The following NETO1 variants were observed in gnomAD, a reference collection of about 807,000 sequenced individuals.
The protein encoded by NETO1 is neuropilin and tolloid like 1.
Under a neutral mutation model 61.3 loss-of-function variants are expected in NETO1, and 26 were observed. That is an observed-to-expected ratio of 0.42 (90% CI 0.31 to 0.59). The LOEUF is 0.59. NETO1 is among the 20% of genes least tolerant of loss of function. NETO1 has a pLI of 0.12. For synonymous variants in NETO1, 225 were observed against 225.8 expected (o/e 1.00, Z 0.03); for missense variants, 531 against 662.8 (o/e 0.80, Z 2.18).
chr18:72,789,243 CACACACAT>C (rs879765941), intron 6 of NETO1, among the ~76,000 whole-genome samples: 14 of 100,044 alleles, frequency 1.4e-4, no homozygotes, highest in African/African-American at 2.4e-4. Context: ...CACACACACA[CACACACAT>C]GTGCACAGCA....
Position 72,750,597 on chromosome 18 carries a change from C to T in NETO1, c.1006G>A (p.Asp336Asn). The T allele has an allele frequency of 6.2e-7, 1 of 1,607,262 alleles. No homozygotes were observed. Among genetic ancestry groups the T allele is most frequent in the Non-Finnish European group, 8.5e-7 (1 of 1,178,640 alleles). ...GTCCCACTGGTGTTGGTCAGCTGGT[C>T]CAGCAGGCTGGTTTTCCTCTTCTCT... ...CKEKRKTSLL[D>N]QLTNTSGTVI... Residue 336 changes from aspartate to asparagine, a missense_variant, in exon 9 of 11, where the codon GAC (aspartate) becomes AAC (asparagine). Physicochemically the swap from Asp to Asn is conservative, Grantham distance 23. Transcript: ENST00000327305.
chr18:72,742,888 T>C (rs2070364528), downstream of NETO1: 1 of 152,176 alleles, frequency 6.6e-6, no homozygotes, highest in Non-Finnish European at 1.5e-5. Flanking sequence ...CCTCAGTATG[T>C]TCGCTAGTCA....
rs760230093 is a variant in NETO1 at position 72,750,117 on chromosome 18, C to T, written c.1486G>A (p.Glu496Lys). 8 of 1,611,778 alleles carry T rather than the reference C, an allele frequency of 5.0e-6. No individual in the cohort carries two copies. Among genetic ancestry groups the T allele is most frequent in the African/African-American group, 2.7e-5 (2 of 74,850 alleles). Residue 496 changes from glutamate to lysine, a missense_variant, in exon 9 of 11, where the codon GAA (glutamate) becomes AAA (lysine). Glu to Lys is a moderately conservative substitution (Grantham distance 56). Transcript: ENST00000327305. ...CTGTGACTGGTGGTCGGCACCTCTTCGATTTCATCTATGTCACAGGCATCT... is the reference window on the plus strand; with the variant it reads ...CTGTGACTGGTGGTCGGCACCTCTTTGATTTCATCTATGTCACAGGCATCT... ...AADACDIDEI[E>K]EVPTTSHRLS...
At chr18:72,793,433 C>A (rs1212621597) in intron 6 of NETO1, among the ~76,000 whole-genome samples, 1 of 152,104 alleles carries the variant, frequency 6.6e-6, no homozygotes. Flanking sequence ...CAAAATCTAG[C>A]CCACAATAGT....
At chr18:72,816,815 A>T (rs1470436905) in intron 4 of NETO1, among the ~76,000 whole-genome samples, 2 of 152,188 alleles carry the variant, frequency 1.3e-5, no homozygotes, top group Non-Finnish European at 2.9e-5. Flanking sequence ...TCAAGTCTGC[A>T]TTCAGAAAAC....
At chr18:72,805,623 T>C (rs1467114693) in intron 4 of NETO1, among the ~76,000 whole-genome samples, 5 of 152,070 alleles carry the variant, frequency 3.3e-5, no homozygotes, top group Admixed American at 1.3e-4. Context: ...AAGAATACAG[T>C]TGTAAATGGT....
At chr18:72,807,438 T>C (rs1294156912) in intron 4 of NETO1, among the ~76,000 whole-genome samples, 3 of 152,182 alleles carry the variant, frequency 2.0e-5, no homozygotes, top group Admixed American at 6.6e-5. Context: ...TAGCTGTAAT[T>C]TGAAGTTTCC....
intron 4 of NETO1, among the ~76,000 whole-genome samples, chr18:72,817,055 G>A (rs1398720269): frequency 1.3e-5 from 2 of 152,110 alleles, no homozygotes; most frequent in African/African-American, 2.4e-5. Flanking sequence ...GCAATTCCTC[G>A]TCTCCCTTTA....
intron 4 of NETO1, among the ~76,000 whole-genome samples, chr18:72,820,830 CT>C (rs1046247727): frequency 6.6e-6 from 1 of 152,112 alleles, no homozygotes. Flanking sequence ...CTTCTTGGGT[CT>C]TGAGTCGGGT....
chr18:72,763,366 C>T (rs1157337758), intron 7 of NETO1, among the ~76,000 whole-genome samples: 1 of 152,176 alleles, frequency 6.6e-6, no homozygotes, highest in Non-Finnish European at 1.5e-5. Context: ...CATTACACCA[C>T]TGGAACACAT....
chr18:72,831,008 C>G (rs1362858053), intron 4 of NETO1, among the ~76,000 whole-genome samples: 2 of 152,074 alleles, frequency 1.3e-5, no homozygotes, highest in East Asian at 1.9e-4. Flanking sequence ...CAGAATATGT[C>G]TCTTCCTCTT....
chr18:72,850,110 A>C (rs1301498534), intron 4 of NETO1, among the ~76,000 whole-genome samples: 1 of 152,234 alleles, frequency 6.6e-6, no homozygotes, highest in Non-Finnish European at 1.5e-5. Context: ...ACATATTCAT[A>C]GATTGCAGAA....
intron 4 of NETO1, among the ~76,000 whole-genome samples, chr18:72,806,243 G>A (rs1474741802): frequency 6.6e-6 from 1 of 152,116 alleles, no homozygotes; most frequent in Admixed American, 6.6e-5. Flanking sequence ...TAGGTTTACT[G>A]ATGGATTGGG....
intron 7 of NETO1, among the ~76,000 whole-genome samples, chr18:72,774,541 G>T (rs1029083420): frequency 5.9e-5 from 9 of 152,058 alleles, no homozygotes; most frequent in Non-Finnish European, 7.4e-5. Flanking sequence ...ATCTTAAATT[G>T]AGTCCATAAA....
In NETO1 at chr18:72,864,869, A is replaced by G; in HGVS notation, c.159T>C (p.Phe53=). 6.2e-7 allele frequency: 1 copy of G among 1,614,114 alleles called. No individual in the cohort carries two copies. The highest frequency in any genetic ancestry group is 8.5e-7 in the Non-Finnish European group (1 of 1,179,984). ...TWTKHAEGGI[F]TSPNYPSKYP... Reference sequence around the variant, plus strand: ...ACTTGCTGGGATAGTTGGGAGAGGTAAAGATACCTCCCTCTGCATGTTTTG... The same window carrying G: ...ACTTGCTGGGATAGTTGGGAGAGGTGAAGATACCTCCCTCTGCATGTTTTG... The change falls in exon 3 of 11, where the codon TTT becomes TTC. Residue 53 remains phenylalanine, a synonymous_variant. Coordinates refer to ENST00000327305, the MANE Select transcript of NETO1 (RefSeq NM_138966.5).
intron 4 of NETO1, among the ~76,000 whole-genome samples, chr18:72,843,462 T>G (rs561893339): frequency 6.6e-6 from 1 of 152,184 alleles, no homozygotes; most frequent in African/African-American, 2.4e-5. Context: ...CTATGATATT[T>G]TCAAAAGTAG....
rs117883755 is a variant in NETO1 at position 72,798,363 on chromosome 18, C to A, written c.470-3959G>T. Among the ~76,000 whole-genome samples the A allele has an allele frequency of 3.3e-5, 5 of 152,244 alleles. No individual in the cohort carries two copies. In the East Asian group the frequency reaches 9.6e-4, roughly 29 times the overall value. On this transcript the variant is annotated intron_variant, in intron 4 of 10. Transcript: ENST00000327305. ...GGGTAGTGATGCTAGCACTGGGGAGCAGCTGGAAATACAGATGAACATTAG... is the reference window on the plus strand; with the variant it reads ...GGGTAGTGATGCTAGCACTGGGGAGAAGCTGGAAATACAGATGAACATTAG...
At chr18:72,837,392 A>G (rs1355314522) in intron 4 of NETO1, among the ~76,000 whole-genome samples, 1 of 152,222 alleles carries the variant, frequency 6.6e-6, no homozygotes, top group East Asian at 1.9e-4. Context: ...TGCATTGGTC[A>G]GTAAAATAAA....
At chr18:72,823,556 C>A (rs1288325941) in intron 4 of NETO1, among the ~76,000 whole-genome samples, 2 of 152,038 alleles carry the variant, frequency 1.3e-5, no homozygotes, top group African/African-American at 4.8e-5. Context: ...CCCCGAGTGG[C>A]CGCGGCCGTG....
Sources: allele counts gnomAD v4.1 joint callset (sites outside exome capture counted in the v4.1 genomes callset), GRCh38; gene constraint gnomAD v4.1.1; transcripts MANE v1.5; gene names NCBI Gene and HGNC (gene_info 2026-07-23, HGNC 2026-07-21).